The following GAS7 variants were observed in gnomAD, a reference collection of about 807,000 sequenced individuals.
GAS7 encodes the protein growth arrest-specific protein 7.
In GAS7, 28 loss-of-function variants were observed where a neutral mutation model predicts 71.1. That is an observed-to-expected ratio of 0.39 (90% CI 0.29 to 0.54). The LOEUF (loss-of-function observed/expected upper bound fraction) is 0.54. Ranked by LOEUF, GAS7 falls within the 20% of genes least tolerant of loss-of-function variation. GAS7 has a pLI of 0.62. For synonymous variants in GAS7, 258 were observed against 245.8 expected (o/e 1.05, Z -0.46); for missense variants, 436 against 627.8 (o/e 0.69, Z 3.27).
intron 1 of GAS7, among the ~76,000 whole-genome samples, chr17:10,182,385 C>G (rs993667954): frequency 1.2e-4 from 18 of 152,326 alleles, no homozygotes; most frequent in Admixed American, 1.2e-3. Context: ...ATCTTGAACT[C>G]CTGACCTCAG....
intron 1 of GAS7, among the ~76,000 whole-genome samples, chr17:10,065,986 G>A (rs1290104827): frequency 1.3e-5 from 2 of 151,566 alleles, no homozygotes; most frequent in South Asian, 2.1e-4. Flanking sequence ...AGGTCTATCC[G>A]GAGCTCAAGT....
rs767643635 is a variant in GAS7 at position 10,019,767 on chromosome 17, C to T, written c.304+10G>A. ...GGTTGGTGCAGGATTCTCCCCCGAG[C>T]GGGACTCACCATTGGTGGTCGTGTT... On this transcript the variant is annotated intron_variant, in intron 2 of 13. Coordinates refer to ENST00000432992, the MANE Select transcript of GAS7 (RefSeq NM_201433.2). The T allele has an allele frequency of 3.6e-5, 58 of 1,610,846 alleles. No homozygotes were observed. Among genetic ancestry groups the T allele is most frequent in the Non-Finnish European group, 4.5e-5 (53 of 1,178,162 alleles).
At chr17:10,131,819 G>C (rs921942572) in intron 1 of GAS7, among the ~76,000 whole-genome samples, 41 of 152,030 alleles carry the variant, frequency 2.7e-4, no homozygotes, top group Non-Finnish European at 2.5e-4. Context: ...AGACGGGCTC[G>C]AGAATGAATA....
chr17:10,064,312 G>A (rs897708104), intron 1 of GAS7, among the ~76,000 whole-genome samples: 2 of 152,170 alleles, frequency 1.3e-5, no homozygotes, highest in African/African-American at 4.8e-5. Flanking sequence ...AGCACACCGT[G>A]GGGGTCTGTG....
intron 3 of GAS7, among the ~76,000 whole-genome samples, chr17:9,979,807 C>T: frequency 6.6e-6 from 1 of 151,708 alleles, no homozygotes; most frequent in East Asian, 1.9e-4. Context: ...TGGCCTGGAG[C>T]CAGCCAGGAA....
At chr17:10,066,329 C>T (rs191937720) in intron 1 of GAS7, among the ~76,000 whole-genome samples, 4 of 152,238 alleles carry the variant, frequency 2.6e-5, no homozygotes, top group African/African-American at 4.8e-5. Context: ...TACAGGCATG[C>T]GTCACCACGC....
intron 1 of GAS7, among the ~76,000 whole-genome samples, chr17:10,105,309 C>G (rs2073746531): frequency 6.6e-6 from 1 of 152,024 alleles, no homozygotes; most frequent in South Asian, 2.1e-4. Flanking sequence ...CCACAAACAC[C>G]GGCCCCTCCT....
chr17:10,194,769 C>T lies in GAS7; in HGVS notation c.183+3439G>A, dbSNP rs138918260. ...CGGGTGGATCACAAGGTGAGGAGAT[C>T]GAGACCATGCTGGCTAACACGGCGA... is the stretch of plus-strand genomic sequence containing the variant. On this transcript the variant is annotated intron_variant, in intron 1 of 13. Coordinates refer to ENST00000432992, the MANE Select transcript of GAS7 (RefSeq NM_201433.2). Among the ~76,000 whole-genome samples, 1,005 of 149,068 alleles carry T rather than the reference C, an allele frequency of 6.7e-3. 10 individuals carry two copies. Among genetic ancestry groups the T allele is most frequent in the African/African-American group, 0.022 (894 of 40,438 alleles).
intron 1 of GAS7, among the ~76,000 whole-genome samples, chr17:10,058,948 C>A (rs1352863050): frequency 1.3e-5 from 2 of 152,266 alleles, no homozygotes; most frequent in East Asian, 3.8e-4. Flanking sequence ...TTATACAATC[C>A]TGTGTTCATT....
intron 1 of GAS7, among the ~76,000 whole-genome samples, chr17:10,145,771 A>G (rs571850754): frequency 6.6e-6 from 1 of 152,316 alleles, no homozygotes; most frequent in South Asian, 2.1e-4. Context: ...GAAGGGGGAA[A>G]CAGCAATATA....
Position 9,919,968 on chromosome 17 carries a change from T to TC in GAS7, c.1139-264_1139-263insG. Among the ~76,000 whole-genome samples, 1 of 140,820 alleles carries TC rather than the reference T, an allele frequency of 7.1e-6. No individual in the cohort carries two copies. The allele number at this position is 140,820 out of a possible 152,430, so 92.4% of individuals were successfully genotyped here. On this transcript the variant is annotated intron_variant, in intron 11 of 13. Transcript: ENST00000432992. The surrounding 1 kb of genome is among the most constrained non-coding windows in gnomAD (Gnocchi z 5.0). Reference sequence around the variant, plus strand: ...AAGGATTCAGGATGGTGGTTCTCATTTTGTGTGTGTGTGTGTGTGTGTGTG... The same window carrying TC: ...AAGGATTCAGGATGGTGGTTCTCATTCTTGTGTGTGTGTGTGTGTGTGTGTG...
At chr17:10,197,928 G>A (rs934246127) in intron 1 of GAS7, among the ~76,000 whole-genome samples, 93 of 152,314 alleles carry the variant, frequency 6.1e-4, no homozygotes, top group African/African-American at 2.1e-3. Flanking sequence ...AACTCACACA[G>A]GCAACAAGTT....
chr17:10,086,484 G>A (rs2073520867), intron 1 of GAS7, among the ~76,000 whole-genome samples: 1 of 152,188 alleles, frequency 6.6e-6, no homozygotes. Context: ...CCATTGTTAA[G>A]GAATCTGGGT....
In GAS7 at chr17:9,919,801, C is replaced by T. The variant is rs2067729435; in HGVS notation, c.1139-96G>A. 3 of 918,234 alleles carry T rather than the reference C, an allele frequency of 3.3e-6. No homozygotes were observed. Among genetic ancestry groups the T allele is most frequent in the African/African-American group, 3.2e-5 (2 of 61,876 alleles). 56.9% of individuals were successfully genotyped at this position (918,234 alleles called of 1,614,324 possible). A position where few individuals can be genotyped will look rare whatever the true frequency, so the allele number is the denominator to read the frequency against. ...CCCACAGCCAAGCCTTCTCCTCCCCCTGGGGTCATGGTGGCCGCTGGAAAG... is the reference window on the plus strand; with the variant it reads ...CCCACAGCCAAGCCTTCTCCTCCCCTTGGGGTCATGGTGGCCGCTGGAAAG... On this transcript the variant is annotated intron_variant, in intron 11 of 13. Transcript: ENST00000432992. The surrounding 1 kb of genome is among the most constrained non-coding windows in gnomAD (Gnocchi z 5.0).
intron 1 of GAS7, among the ~76,000 whole-genome samples, chr17:10,144,090 C>A (rs148637696): frequency 6.6e-6 from 1 of 151,808 alleles, no homozygotes; most frequent in Non-Finnish European, 1.5e-5. Flanking sequence ...GGACTCGGAG[C>A]GGCAGAAAAG....
chr17:9,993,840 T>G (rs1038977311), intron 2 of GAS7, among the ~76,000 whole-genome samples: 11 of 152,026 alleles, frequency 7.2e-5, no homozygotes, highest in African/African-American at 2.4e-4. Flanking sequence ...AGTCTCAGGA[T>G]ACAAAATCAA....
chr17:10,188,995 A>G (rs1273689784), intron 1 of GAS7, among the ~76,000 whole-genome samples: 1 of 152,140 alleles, frequency 6.6e-6, no homozygotes, highest in Non-Finnish European at 1.5e-5. Flanking sequence ...CCATTCTTAT[A>G]CTGATATGTT....
intron 1 of GAS7, among the ~76,000 whole-genome samples, chr17:10,177,672 A>T (rs1365263870): frequency 2.0e-5 from 3 of 152,164 alleles, no homozygotes; most frequent in African/African-American, 7.2e-5. Flanking sequence ...AGGTGACTGC[A>T]TGATTATCAA....
At chr17:10,078,701 T>C (rs1278203234) in intron 1 of GAS7, among the ~76,000 whole-genome samples, 7 of 152,134 alleles carry the variant, frequency 4.6e-5, no homozygotes, top group Admixed American at 2.0e-4. Flanking sequence ...AGAAGTTCAA[T>C]AGACAGTGTG....
Sources: gnomAD v4.1 joint callset for allele counts (sites outside exome capture counted in the v4.1 genomes callset) on GRCh38, gnomAD v4.1.1 for gene constraint, Gnocchi (gnomAD v3.1) non-coding constraint, MANE v1.5 for transcripts, NCBI Gene and HGNC (gene_info 2026-07-23, HGNC 2026-07-21) for gene names.